GPC5: variants seen among roughly 807,000 people sequenced by gnomAD.
GPC5 encodes glypican 5.
GPC5 carries 47 observed loss-of-function variants against 53.9 expected under a neutral mutation model. That is an observed-to-expected ratio of 0.87 (90% CI 0.69 to 1.11). GPC5 has a LOEUF of 1.11. Ranked by LOEUF, GPC5 falls within the 50% of genes most tolerant of loss-of-function variation. The pLI, the probability that GPC5 is intolerant of heterozygous loss-of-function variation, is 0.00. For missense variants in GPC5, 748 were observed against 713.1 expected (o/e 1.05, Z -0.56); for synonymous variants, 286 against 263.3 (o/e 1.09, Z -0.84).
At chr13:91,693,074 T>A (rs547164159) in intron 2 of GPC5, 113 bp from the exon 3 acceptor site, 1 of 782,872 alleles carries the variant, frequency 1.3e-6, no homozygotes, top group Non-Finnish European at 2.0e-6. Flanking sequence ...GGCTGAGAGT[T>A]ACAATTTAGA....
At chr13:92,549,125 C>T (rs1882223408) in intron 7 of GPC5, among the ~76,000 whole-genome samples, 1 of 151,998 alleles carries the variant, frequency 6.6e-6, no homozygotes, top group African/African-American at 2.4e-5. Context: ...ATAAATCAAT[C>T]AGCTAACTAT....
At chr13:92,177,939 T>C (rs947237066) in intron 7 of GPC5, among the ~76,000 whole-genome samples, 1 of 152,184 alleles carries the variant, frequency 6.6e-6, no homozygotes, top group Admixed American at 6.5e-5. Flanking sequence ...CAGAAGTCAT[T>C]TGCTAATGAA....
At chr13:92,038,368 ATAGATAGATAGATAGG>A (rs1305025179) in intron 6 of GPC5, among the ~76,000 whole-genome samples, 44 of 131,594 alleles carry the variant, frequency 3.3e-4, no homozygotes, top group African/African-American at 8.8e-4. Context: ...AGATAGATAG[ATAGATAGATAGATAGG>A]TAGATAGATA....
rs546762688 is a variant in GPC5 at position 91,414,641 on chromosome 13, A to G, written c.163+15432A>G. On this transcript the variant is annotated intron_variant, in intron 1 of 7. Transcript: ENST00000377067. ...CTAAAGCAATGACAGTTGGGACTAG[A>G]GTGCTTACAAATCTCTCTGTTTGGC... 2.0e-5 allele frequency among the ~76,000 whole-genome samples: 3 copies of G among 152,310 alleles called. No individual in the cohort carries two copies. In the South Asian group the frequency reaches 6.2e-4, roughly 32 times the overall value.
At chr13:92,026,313 A>C (rs2040800476) in intron 6 of GPC5, among the ~76,000 whole-genome samples, 1 of 152,022 alleles carries the variant, frequency 6.6e-6, no homozygotes, top group African/African-American at 2.4e-5. Context: ...GTATTAGATT[A>C]TAAATTCCTA....
At chr13:92,695,457 T>C (rs1887530838) in intron 7 of GPC5, among the ~76,000 whole-genome samples, 1 of 152,212 alleles carries the variant, frequency 6.6e-6, no homozygotes, top group Non-Finnish European at 1.5e-5. Flanking sequence ...CTATGGGTGA[T>C]AACAGCATCT....
At chr13:91,829,113 C>T (rs1225525864) in intron 5 of GPC5, among the ~76,000 whole-genome samples, 2 of 152,022 alleles carry the variant, frequency 1.3e-5, no homozygotes, top group Non-Finnish European at 2.9e-5. Flanking sequence ...GTTAAAATGA[C>T]ACCATGTGCC....
intron 7 of GPC5, among the ~76,000 whole-genome samples, chr13:92,169,663 A>T (rs2042055480): frequency 6.6e-6 from 1 of 152,216 alleles, no homozygotes. Flanking sequence ...GGAAAATTAA[A>T]ACGTACAATC....
In GPC5 at chr13:91,539,210, A is replaced by C. The variant is rs151053199; in HGVS notation, c.325+90288A>C. ...AACATGTTGAAAAGCTTTTTTTTAA[A>C]AGCGTTAAAACAATTAGTTCTTGTA... is the stretch of plus-strand genomic sequence containing the variant. On this transcript the variant is annotated intron_variant, in intron 2 of 7. Coordinates refer to ENST00000377067, the MANE Select transcript of GPC5 (RefSeq NM_004466.6). 2.0e-3 allele frequency among the ~76,000 whole-genome samples: 299 copies of C among 152,268 alleles called. 3 individuals are homozygous for C. In the South Asian group the frequency reaches 0.021, roughly 11 times the overall value.
chr13:91,475,681 G>A (rs1211890963), intron 2 of GPC5, among the ~76,000 whole-genome samples: 1 of 151,796 alleles, frequency 6.6e-6, no homozygotes, highest in Non-Finnish European at 1.5e-5. Flanking sequence ...TCCATTTTGG[G>A]GCCCAGATGA....
intron 5 of GPC5, among the ~76,000 whole-genome samples, chr13:91,836,834 T>C (rs1266818527): frequency 1.3e-5 from 2 of 151,472 alleles, no homozygotes; most frequent in Non-Finnish European, 2.9e-5. Flanking sequence ...AAAATATATT[T>C]TAAAAACCTT....
intron 6 of GPC5, among the ~76,000 whole-genome samples, chr13:92,062,626 A>G (rs1433215466): frequency 2.6e-5 from 4 of 152,048 alleles, no homozygotes; most frequent in African/African-American, 7.2e-5. Context: ...TAATGGCAGT[A>G]AATGTGTGGG....
chr13:92,370,702 T>C (rs1221874810), intron 7 of GPC5, among the ~76,000 whole-genome samples: 1 of 152,228 alleles, frequency 6.6e-6, no homozygotes, highest in Non-Finnish European at 1.5e-5. Flanking sequence ...CTACTGTACA[T>C]AGTACATTGA....
At chr13:92,280,877 C>A (rs9589479) in intron 7 of GPC5, among the ~76,000 whole-genome samples, 11,111 of 152,158 alleles carry the variant, frequency 0.073, 530 homozygotes, top group African/African-American at 0.13. Context: ...GTTCATCTCA[C>A]TGGGGCTTGT....
intron 6 of GPC5, among the ~76,000 whole-genome samples, chr13:92,137,733 C>T (rs940422998): frequency 6.6e-6 from 1 of 152,162 alleles, no homozygotes; most frequent in African/African-American, 2.4e-5. Flanking sequence ...TTAAGCAATC[C>T]TCCCACCTCG....
intron 7 of GPC5, among the ~76,000 whole-genome samples, chr13:92,546,462 G>T (rs1882116544): frequency 6.6e-6 from 1 of 152,132 alleles, no homozygotes. Context: ...ACTTACAAGG[G>T]ATGGGAAGGA....
rs1289205940 is a variant in GPC5 at position 91,572,091 on chromosome 13, A to G, written c.326-121096A>G. ...TATATACACACATATGTATATGTAC[A>G]TGTGTGTGTATATACACACATGTAT... is the stretch of plus-strand genomic sequence containing the variant. On this transcript the variant is annotated intron_variant, in intron 2 of 7. Transcript: ENST00000377067. Among the ~76,000 whole-genome samples, 88 of 127,322 alleles carry G rather than the reference A, an allele frequency of 6.9e-4. 10 individuals carry two copies. The highest frequency in any genetic ancestry group is 3.4e-3 in the African/African-American group (81 of 24,004). The allele number at this position is 127,322 out of a possible 152,430, so 83.5% of individuals were successfully genotyped here.
At chr13:92,214,717 G>A (rs2042397912) in intron 7 of GPC5, among the ~76,000 whole-genome samples, 1 of 152,180 alleles carries the variant, frequency 6.6e-6, no homozygotes, top group Non-Finnish European at 1.5e-5. Context: ...CTGTGACTAT[G>A]TTAGGTTGTA....
chr13:92,524,148 C>T (rs540859889), intron 7 of GPC5, among the ~76,000 whole-genome samples: 33 of 152,142 alleles, frequency 2.2e-4, no homozygotes, highest in Middle Eastern at 3.4e-3. Context: ...CTGTAGCATG[C>T]GATGATGTTT....
Sources: gnomAD v4.1 joint callset for allele counts (sites outside exome capture counted in the v4.1 genomes callset) on GRCh38, gnomAD v4.1.1 for gene constraint, MANE v1.5 for transcripts, NCBI Gene and HGNC (gene_info 2026-07-23, HGNC 2026-07-21) for gene names.